The following PTK7 variants were observed in gnomAD, a reference collection of about 807,000 sequenced individuals.
The protein encoded by PTK7 is protein tyrosine kinase 7 (inactive).
PTK7 carries 39 observed loss-of-function variants against 116.6 expected under a neutral mutation model. The observed-to-expected ratio is 0.33, with a 90% confidence interval of 0.26 to 0.44. PTK7 has a LOEUF of 0.44. PTK7 is among the 20% of genes least tolerant of loss of function. The pLI is 1.00. For synonymous variants in PTK7, 546 were observed against 563.6 expected (o/e 0.97, Z 0.44); for missense variants, 1,169 against 1,425.6 (o/e 0.82, Z 2.90).
At chr6:43,088,071 G>GCCAAGGCCA (rs1766754208) in intron 1 of PTK7, among the ~76,000 whole-genome samples, 1 of 152,262 alleles carries the variant, frequency 6.6e-6, no homozygotes, top group East Asian at 1.9e-4. Flanking sequence ...GCCAAGGCGT[G>GCCAAGGCCA]AGGATTGCTT....
intron 17 of PTK7, among the ~76,000 whole-genome samples, chr6:43,150,589 G>A (rs1277442154): frequency 6.6e-6 from 1 of 151,984 alleles, no homozygotes; most frequent in African/African-American, 2.4e-5. Context: ...AGTCTGATGA[G>A]GGCACGTTAC....
chr6:43,119,807 T>C (rs1334978242), intron 1 of PTK7, among the ~76,000 whole-genome samples: 1 of 152,132 alleles, frequency 6.6e-6, no homozygotes, highest in African/African-American at 2.4e-5. Context: ...CCCTCTCCTC[T>C]TGGGGCCAAG....
In PTK7 at chr6:43,076,959, C is replaced by T. The variant is rs534424081; in HGVS notation, c.79+392C>T. 1.1e-5 allele frequency: 16 copies of T among 1,512,088 alleles called. No individual in the cohort carries two copies. Among genetic ancestry groups the T allele is most frequent in the Middle Eastern group, 1.7e-4 (1 of 5,916 alleles). 93.7% of individuals were successfully genotyped at this position (1,512,088 alleles called of 1,614,324 possible). ...GAGCGCGATGGAGAAAAAGGAATTCCCCACCCCACCCGGCAGGGTCGGCCC... is the reference window on the plus strand; with the variant it reads ...GAGCGCGATGGAGAAAAAGGAATTCTCCACCCCACCCGGCAGGGTCGGCCC... On this transcript the variant is annotated intron_variant, in intron 1 of 19. Coordinates refer to ENST00000230419, the MANE Select transcript of PTK7 (RefSeq NM_002821.5). This position sits in a 1 kb window ranked among gnomAD's most constrained non-coding sequence, Gnocchi z 5.7.
At position 43,129,420 on chromosome 6, in the gene PTK7, G is replaced by A; in HGVS notation, c.367+156G>A. The stretch of plus-strand genomic sequence containing the variant: ...GCTTTTTTTGCTCATGTGGATAAGA[G>A]GAAATTAAAAGTTATATTTTTTCCA... On this transcript the variant is annotated intron_variant, in intron 2 of 19. Transcript: ENST00000230419. The surrounding 1 kb of genome is among the most constrained non-coding windows in gnomAD (Gnocchi z 4.5). The A allele has an allele frequency of 9.3e-7, 1 of 1,073,738 alleles. No homozygotes were observed. Among genetic ancestry groups the A allele is most frequent in the East Asian group, 2.6e-5 (1 of 38,200 alleles). The allele number at this position is 1,073,738 out of a possible 1,614,324, so 66.5% of individuals were successfully genotyped here.
intron 13 of PTK7, chr6:43,142,553 A>G (rs1001345675): frequency 1.7e-6 from 1 of 593,424 alleles, no homozygotes; most frequent in Non-Finnish European, 3.1e-6. Flanking sequence ...CTCTTCCTAC[A>G]ATGCTGCCTC....
At chr6:43,154,503 A>G (rs1180089922) in intron 17 of PTK7, among the ~76,000 whole-genome samples, 2 of 152,234 alleles carry the variant, frequency 1.3e-5, no homozygotes, top group Admixed American at 6.5e-5. Context: ...AAATGAAAAC[A>G]TTTCATGAAT....
intron 17 of PTK7, among the ~76,000 whole-genome samples, chr6:43,148,944 A>T (rs1328593021): frequency 6.6e-6 from 1 of 151,426 alleles, no homozygotes; most frequent in Non-Finnish European, 1.5e-5. Flanking sequence ...CTGTAATCCA[A>T]GCTACTCGGG....
At chr6:43,116,604 TTGTG>T (rs751605217) in intron 1 of PTK7, among the ~76,000 whole-genome samples, 3,138 of 119,116 alleles carry the variant, frequency 0.026, 35 homozygotes, top group South Asian at 0.035. Flanking sequence ...AAAAGCTGGT[TTGTG>T]TGTGTGTGTG....
Position 43,124,031 on chromosome 6 carries a change from G to A in PTK7, c.80-4946G>A, listed in dbSNP as rs928587474. On this transcript the variant is annotated intron_variant, in intron 1 of 19. Coordinates refer to ENST00000230419, the MANE Select transcript of PTK7 (RefSeq NM_002821.5). ...GCTGCACATGGAGCTGGCTGCCTCC[G>A]GGGTCACGTGGCCTGCATCTCCATG... Among the ~76,000 whole-genome samples, 4 of 152,180 alleles carry A rather than the reference G, an allele frequency of 2.6e-5. No individual in the cohort carries two copies. In the East Asian group the frequency reaches 7.7e-4, roughly 29 times the overall value.
In PTK7 at chr6:43,129,639, C is replaced by T; in HGVS notation, c.368-88C>T. ...TCTGTTGGCACAGAGCCTCGAGGTT[C>T]CACGGCTTCCTGCTTGTCCTCCTTG... is the stretch of plus-strand genomic sequence containing the variant. On this transcript the variant is annotated intron_variant, in intron 2 of 19. Transcript: ENST00000230419. The surrounding 1 kb of genome is among the most constrained non-coding windows in gnomAD (Gnocchi z 4.5). 8.4e-7 allele frequency: 1 copy of T among 1,185,526 alleles called. No homozygotes were observed. 73.4% of individuals were successfully genotyped at this position (1,185,526 alleles called of 1,614,324 possible).
chr6:43,076,829 T>C lies in PTK7; in HGVS notation c.79+262T>C. 7.0e-7 allele frequency: 1 copy of C among 1,425,574 alleles called. No individual in the cohort carries two copies. The highest frequency in any genetic ancestry group is 2.7e-5 in the Admixed American group (1 of 37,694). The allele number at this position is 1,425,574 out of a possible 1,614,324, so 88.3% of individuals were successfully genotyped here. ...TTCCAGCCTCCCTGAGTTTTTCTGG[T>C]CTGAGCCGAGAGTTTGCTCGAGAAC... On this transcript the variant is annotated intron_variant, in intron 1 of 19. Transcript: ENST00000230419. The surrounding 1 kb of genome is among the most constrained non-coding windows in gnomAD (Gnocchi z 5.7).
intron 1 of PTK7, among the ~76,000 whole-genome samples, chr6:43,085,606 C>T (rs537552258): frequency 1.3e-5 from 2 of 152,046 alleles, no homozygotes; most frequent in East Asian, 1.9e-4. Context: ...AAAGGCTCAA[C>T]AAAGTCCCTC....
chr6:43,114,702 T>G (rs990861473), intron 1 of PTK7, among the ~76,000 whole-genome samples: 3 of 152,148 alleles, frequency 2.0e-5, no homozygotes, highest in African/African-American at 7.2e-5. Flanking sequence ...GCGTGTGCTT[T>G]ATGCTTTATG....
At chr6:43,102,049 T>C (rs1767613509) in intron 1 of PTK7, among the ~76,000 whole-genome samples, 1 of 143,410 alleles carries the variant, frequency 7.0e-6, no homozygotes, top group South Asian at 2.2e-4. Flanking sequence ...AAATACAGAG[T>C]GCCACTTGAC....
At chr6:43,079,115 G>C (rs963068173) in intron 1 of PTK7, among the ~76,000 whole-genome samples, 1 of 152,184 alleles carries the variant, frequency 6.6e-6, no homozygotes, top group African/African-American at 2.4e-5. Flanking sequence ...TGGAGATAAA[G>C]TATGGTCCTT....
In PTK7 at chr6:43,145,320, TC is replaced by T. The variant is rs1770663860; in HGVS notation, c.2530del (p.Arg844GlyfsTer10). ...AAGGATGAGCAGCAGCAGCTGGACT[TC>T]CGGAGGGAGTTGGAGATGTTTGGGA... ...QSKDEQQQLD[F>X]RRELEMFGKL... On this transcript the variant is annotated frameshift_variant, in exon 16 of 20. Transcript: ENST00000230419. LOFTEE classifies it high-confidence loss of function. The surrounding 1 kb of genome is among the most constrained non-coding windows in gnomAD (Gnocchi z 4.8). The T allele has an allele frequency of 6.2e-7, 1 of 1,613,782 alleles. No individual in the cohort carries two copies. The highest frequency in any genetic ancestry group is 1.7e-5 in the Admixed American group (1 of 59,950).
At chr6:43,107,805 C>T (rs1767976122) in intron 1 of PTK7, among the ~76,000 whole-genome samples, 1 of 152,228 alleles carries the variant, frequency 6.6e-6, no homozygotes, top group South Asian at 2.1e-4. Flanking sequence ...AGTAAAACCA[C>T]CACAAATCGG....
intron 1 of PTK7, among the ~76,000 whole-genome samples, chr6:43,114,066 G>A (rs1237558068): frequency 1.3e-5 from 2 of 152,130 alleles, no homozygotes; most frequent in East Asian, 3.9e-4. Flanking sequence ...GTGGTGGGAG[G>A]GGGTGGGCAG....
At chr6:43,114,352 G>GTCTCTGTC (rs748438473) in intron 1 of PTK7, among the ~76,000 whole-genome samples, 6 of 149,708 alleles carry the variant, frequency 4.0e-5, no homozygotes, top group African/African-American at 1.5e-4. Context: ...CTGTCTGTCT[G>GTCTCTGTC]TCTCTCTCTC....
Sources: gnomAD v4.1 joint callset for allele counts (sites outside exome capture counted in the v4.1 genomes callset) on GRCh38, gnomAD v4.1.1 for gene constraint, Gnocchi (gnomAD v3.1) non-coding constraint, MANE v1.5 for transcripts, NCBI Gene and HGNC (gene_info 2026-07-23, HGNC 2026-07-21) for gene names.